MACROD2: variants seen among roughly 807,000 people sequenced by gnomAD.
The protein encoded by MACROD2 is ADP-ribose glycohydrolase MACROD2.
MACROD2 carries 36 observed loss-of-function variants against 70.4 expected under a neutral mutation model. The ratio of observed to expected loss-of-function variants is 0.51; its 90% CI spans 0.39 to 0.68. The LOEUF is 0.68. Among genes scored for constraint, MACROD2 ranks in the 30% least tolerant of loss-of-function variants. The pLI is 0.00. For synonymous variants in MACROD2, 172 were observed against 178.8 expected, an observed-to-expected ratio of 0.96 and a Z score of 0.30; for missense variants, 496 against 538.4, an observed-to-expected ratio of 0.92 and a Z score of 0.78.
chr20:14,185,242 A>G (rs1395049045), intron 3 of MACROD2, among the ~76,000 whole-genome samples: 1 of 152,130 alleles, frequency 6.6e-6, no homozygotes, highest in Non-Finnish European at 1.5e-5. Context: ...CAATTAAAGT[A>G]GCTATGCTAA....
chr20:14,336,634 T>C (rs901353135), intron 3 of MACROD2, among the ~76,000 whole-genome samples: 1 of 152,238 alleles, frequency 6.6e-6, no homozygotes, highest in Admixed American at 6.5e-5. Context: ...CCAAACTCAC[T>C]GCATACATCA....
chr20:15,203,380 G>A lies in MACROD2; in HGVS notation c.419-26560G>A, dbSNP rs532039787. 2.6e-5 allele frequency among the ~76,000 whole-genome samples: 4 copies of A among 152,036 alleles called. No individual in the cohort carries two copies. The South Asian group carries it at 8.3e-4, about 32-fold the overall frequency. On this transcript the variant is annotated intron_variant, in intron 5 of 17. Transcript: ENST00000684519. ...TTGTTTTATGAACCGAGTGGGAAGG[G>A]CCATTGTATTCAGTCTTTGTTTTGT...
intron 5 of MACROD2, among the ~76,000 whole-genome samples, chr20:15,181,916 C>T (rs2076503515): frequency 6.6e-6 from 1 of 151,666 alleles, no homozygotes; most frequent in East Asian, 1.9e-4. Context: ...TTCCTAAATC[C>T]AGTGAATGCT....
intron 3 of MACROD2, among the ~76,000 whole-genome samples, chr20:14,312,553 C>T (rs1262401655): frequency 5.9e-5 from 9 of 151,980 alleles, no homozygotes; most frequent in South Asian, 2.1e-4. Context: ...TATAGAGAGA[C>T]GAAATAATTT....
At chr20:16,021,471 G>A (rs534349494) in intron 15 of MACROD2, among the ~76,000 whole-genome samples, 12 of 152,304 alleles carry the variant, frequency 7.9e-5, no homozygotes, top group Admixed American at 3.3e-4. Context: ...TCCAGGGTGC[G>A]CAGCTAGTAA....
chr20:15,785,009 G>A (rs2051897778), intron 8 of MACROD2, among the ~76,000 whole-genome samples: 1 of 151,718 alleles, frequency 6.6e-6, no homozygotes, highest in Admixed American at 6.6e-5. Context: ...AAAATTAGCC[G>A]GGCATGGTGG....
intron 4 of MACROD2, among the ~76,000 whole-genome samples, chr20:14,665,210 A>T (rs796588844): frequency 2.6e-4 from 39 of 152,252 alleles, no homozygotes; most frequent in African/African-American, 7.9e-4. Flanking sequence ...GTCTTTGTTA[A>T]ATAAAAGAGT....
chr20:14,969,401 C>CACACACAT (rs5840640), intron 5 of MACROD2, among the ~76,000 whole-genome samples: 5 of 135,750 alleles, frequency 3.7e-5, no homozygotes, highest in African/African-American at 1.4e-4. Context: ...CACACACACA[C>CACACACAT]ATATATAAGC....
chr20:14,508,191 A>G (rs2084990406), intron 4 of MACROD2, among the ~76,000 whole-genome samples: 1 of 152,224 alleles, frequency 6.6e-6, no homozygotes, highest in South Asian at 2.1e-4. Context: ...CAGGAAGTGA[A>G]GGCTAAGGAA....
chr20:15,096,518 C>CT (rs1284620729), intron 5 of MACROD2, among the ~76,000 whole-genome samples: 1 of 138,082 alleles, frequency 7.2e-6, no homozygotes, highest in Admixed American at 7.3e-5. Flanking sequence ...TTGTTTGTTC[C>CT]TTTTTTTGAG....
chr20:14,838,960 G>A (rs1257214347), intron 5 of MACROD2, among the ~76,000 whole-genome samples: 1 of 152,018 alleles, frequency 6.6e-6, no homozygotes, highest in Non-Finnish European at 1.5e-5. Flanking sequence ...TTGTGGTCAT[G>A]GTCTGGCAGT....
intron 8 of MACROD2, among the ~76,000 whole-genome samples, chr20:15,785,162 A>T (rs923836857): frequency 6.6e-6 from 1 of 152,016 alleles, no homozygotes; most frequent in African/African-American, 2.4e-5. Context: ...AAAAAAAAAA[A>T]AAAAAAAAAT....
At chr20:15,001,705 GT>G (rs886248133) in intron 5 of MACROD2, among the ~76,000 whole-genome samples, 3 of 149,964 alleles carry the variant, frequency 2.0e-5, no homozygotes, top group African/African-American at 7.4e-5. Flanking sequence ...CTTATTTTTT[GT>G]TTTTTTTTAA....
intron 6 of MACROD2, among the ~76,000 whole-genome samples, chr20:15,409,588 A>C (rs1267558005): frequency 6.6e-6 from 1 of 152,264 alleles, no homozygotes; most frequent in Non-Finnish European, 1.5e-5. Context: ...GAGACCAGTG[A>C]ATGCATGTAG....
At chr20:14,240,988 G>T (rs1157957084) in intron 3 of MACROD2, among the ~76,000 whole-genome samples, 1 of 152,086 alleles carries the variant, frequency 6.6e-6, no homozygotes, top group Non-Finnish European at 1.5e-5. Context: ...AAATAGCTGG[G>T]TGTGGTGGCA....
At chr20:15,737,884 A>ATGGG (rs989603982) in intron 8 of MACROD2, among the ~76,000 whole-genome samples, 2 of 151,894 alleles carry the variant, frequency 1.3e-5, no homozygotes, top group African/African-American at 2.4e-5. Context: ...GGATGGATGG[A>ATGGG]TGGATGATGA....
intron 5 of MACROD2, among the ~76,000 whole-genome samples, chr20:15,009,013 G>A (rs1248581200): frequency 6.6e-6 from 1 of 152,016 alleles, no homozygotes; most frequent in African/African-American, 2.4e-5. Flanking sequence ...CAGAGAAACA[G>A]GAGAACCTGT....
chr20:14,170,728 G>A (rs2081212909), intron 3 of MACROD2, among the ~76,000 whole-genome samples: 1 of 152,140 alleles, frequency 6.6e-6, no homozygotes, highest in African/African-American at 2.4e-5. Flanking sequence ...TTTCTGATAT[G>A]CTGTTGAAGT....
At chr20:14,642,179 C>T (rs1196557187) in intron 4 of MACROD2, among the ~76,000 whole-genome samples, 1 of 152,162 alleles carries the variant, frequency 6.6e-6, no homozygotes, top group African/African-American at 2.4e-5. Context: ...ATGAACCAAC[C>T]TCTGCTAGCT....
Sources: gnomAD v4.1 joint callset for allele counts (sites outside exome capture counted in the v4.1 genomes callset) on GRCh38, gnomAD v4.1.1 for gene constraint, MANE v1.5 for transcripts, NCBI Gene and HGNC (gene_info 2026-07-23, HGNC 2026-07-21) for gene names.